DLG2: variants seen among roughly 807,000 people sequenced by gnomAD.
DLG2 encodes the protein disks large homolog 2.
A neutral mutation model predicts 132.5 loss-of-function variants in DLG2; 45 were observed. The observed-to-expected ratio is 0.34, with a 90% confidence interval of 0.27 to 0.44. DLG2 has a LOEUF of 0.44. Ranked by LOEUF, DLG2 falls within the 20% of genes least tolerant of loss-of-function variation. The pLI is 1.00. For missense variants in DLG2, 1,045 were observed against 1,196.9 expected, an observed-to-expected ratio of 0.87 and a Z score of 1.87; for synonymous variants, 424 against 419.6, an observed-to-expected ratio of 1.01 and a Z score of -0.13.
chr11:85,183,684 G>A (rs2079888432), intron 4 of DLG2, among the ~76,000 whole-genome samples: 2 of 151,922 alleles, frequency 1.3e-5, no homozygotes, highest in Admixed American at 6.6e-5. Flanking sequence ...GGCAGGCTGA[G>A]ATATCAGGGA....
At chr11:84,170,657 T>C (rs1290068212) in intron 8 of DLG2, among the ~76,000 whole-genome samples, 1 of 152,162 alleles carries the variant, frequency 6.6e-6, no homozygotes, top group Non-Finnish European at 1.5e-5. Flanking sequence ...GAGACAGCAA[T>C]ATTAACCACA....
intron 6 of DLG2, among the ~76,000 whole-genome samples, chr11:84,580,700 G>A (rs2099514319): frequency 6.6e-6 from 1 of 152,204 alleles, no homozygotes; most frequent in Admixed American, 6.5e-5. Context: ...GGAACAGCAA[G>A]CTATTTGGAC....
chr11:83,709,701 T>C (rs915561362), intron 18 of DLG2, among the ~76,000 whole-genome samples: 1 of 152,218 alleles, frequency 6.6e-6, no homozygotes, highest in African/African-American at 2.4e-5. Flanking sequence ...AGGTGAAACT[T>C]GACTCTCCAA....
At chr11:84,534,966 A>G (rs1288018119) in intron 6 of DLG2, among the ~76,000 whole-genome samples, 7 of 152,160 alleles carry the variant, frequency 4.6e-5, no homozygotes, top group Admixed American at 4.6e-4. Context: ...CTGCCTGATA[A>G]TATACTCTCT....
At position 83,587,170 on chromosome 11, in the gene DLG2, C is replaced by A. The variant is rs531674708; in HGVS notation, c.1941-45312G>T. Among the ~76,000 whole-genome samples, 137 of 152,214 alleles carry A rather than the reference C, an allele frequency of 9.0e-4. 1 individual carries two copies. The South Asian group carries it at 9.1e-3, about 10-fold the overall frequency. ...TGCTTTGGATTAAAAAAGAAAACAACACATCTGCTGCTTATAGTTTTTTTT... is the reference window on the plus strand; with the variant it reads ...TGCTTTGGATTAAAAAAGAAAACAAAACATCTGCTGCTTATAGTTTTTTTT... On this transcript the variant is annotated intron_variant, in intron 19 of 27. Transcript: ENST00000376104.
intron 8 of DLG2, among the ~76,000 whole-genome samples, chr11:84,214,042 C>A (rs1332379881): frequency 6.6e-6 from 1 of 150,916 alleles, no homozygotes; most frequent in African/African-American, 2.4e-5. Context: ...ACCCAATGGA[C>A]TATTATCCTG....
intron 7 of DLG2, among the ~76,000 whole-genome samples, chr11:84,404,007 TTC>T (rs2098839828): frequency 6.6e-6 from 1 of 152,140 alleles, no homozygotes; most frequent in Admixed American, 6.6e-5. Flanking sequence ...CTCTTATCCT[TTC>T]TTTTTTCACT....
In DLG2 at chr11:85,283,160, T is replaced by C. The variant is rs529510307; in HGVS notation, c.186+2060A>G. Among the ~76,000 whole-genome samples, 16 of 151,964 alleles carry C rather than the reference T, an allele frequency of 1.1e-4. 1 individual carries two copies. Among genetic ancestry groups the C allele is most frequent in the African/African-American group, 3.9e-4 (16 of 41,478 alleles). ...TACTTAGCACCTGGGTGATGAAATA[T>C]AATCTTACAACAAACCCCTGTGACA... On this transcript the variant is annotated intron_variant, in intron 4 of 27. Transcript: ENST00000376104.
intron 6 of DLG2, among the ~76,000 whole-genome samples, chr11:85,031,469 A>G (rs1467986021): frequency 1.3e-5 from 2 of 152,054 alleles, no homozygotes; most frequent in African/African-American, 4.8e-5. Flanking sequence ...TTACTTTTAT[A>G]TGTTTGGTTT....
intron 4 of DLG2, among the ~76,000 whole-genome samples, chr11:85,207,141 C>T (rs2081952171): frequency 6.6e-6 from 1 of 152,120 alleles, no homozygotes; most frequent in African/African-American, 2.4e-5. Context: ...CCCTATTGCT[C>T]ATCCATAATT....
At chr11:84,035,877 G>A (rs557324136) in intron 11 of DLG2, among the ~76,000 whole-genome samples, 1 of 152,258 alleles carries the variant, frequency 6.6e-6, no homozygotes, top group African/African-American at 2.4e-5. Context: ...AACTGGATGT[G>A]AGTGTGAGTC....
At chr11:84,393,296 T>C (rs575009775) in intron 7 of DLG2, among the ~76,000 whole-genome samples, 21 of 152,280 alleles carry the variant, frequency 1.4e-4, no homozygotes, top group African/African-American at 4.1e-4. Flanking sequence ...GGAAACATTC[T>C]TATTAGAAGA....
At chr11:83,845,989 G>A (rs2058541370) in intron 16 of DLG2, among the ~76,000 whole-genome samples, 2 of 152,180 alleles carry the variant, frequency 1.3e-5, no homozygotes, top group African/African-American at 4.8e-5. Context: ...TATGACCTTT[G>A]AAAGGCAAAT....
At chr11:83,910,802 G>A (rs115999464) in intron 15 of DLG2, among the ~76,000 whole-genome samples, 2,773 of 152,196 alleles carry the variant, frequency 0.018, 91 homozygotes, top group African/African-American at 0.063. Flanking sequence ...TGCCCCGACA[G>A]CTATCATTGT....
chr11:84,223,513 CAT>C (rs932411749), intron 8 of DLG2, among the ~76,000 whole-genome samples: 17 of 151,264 alleles, frequency 1.1e-4, no homozygotes, highest in Non-Finnish European at 2.2e-4. Context: ...CAGAGGCACA[CAT>C]GTCTTTCTCA....
At chr11:84,078,067 T>C (rs2096852471) in intron 10 of DLG2, among the ~76,000 whole-genome samples, 1 of 152,202 alleles carries the variant, frequency 6.6e-6, no homozygotes, top group East Asian at 1.9e-4. Flanking sequence ...ATTCAACATA[T>C]AAACCTAAAA....
chr11:83,998,978 C>A (rs1203394348), intron 11 of DLG2, among the ~76,000 whole-genome samples: 1 of 152,148 alleles, frequency 6.6e-6, no homozygotes, highest in Non-Finnish European at 1.5e-5. Flanking sequence ...GTGGCTATCA[C>A]AACAAGAATT....
intron 3 of DLG2, among the ~76,000 whole-genome samples, chr11:85,400,879 A>G (rs2088010789): frequency 6.6e-6 from 1 of 151,622 alleles, no homozygotes; most frequent in Non-Finnish European, 1.5e-5. Flanking sequence ...ACATGTATAC[A>G]TACGTAACTA....
chr11:83,886,854 T>C (rs1189898767), intron 15 of DLG2, among the ~76,000 whole-genome samples: 1 of 150,088 alleles, frequency 6.7e-6, no homozygotes, highest in Non-Finnish European at 1.5e-5. Flanking sequence ...GACTACTGGG[T>C]ACATAACGAA....
Sources: gnomAD v4.1 joint callset for allele counts (sites outside exome capture counted in the v4.1 genomes callset) on GRCh38, gnomAD v4.1.1 for gene constraint, MANE v1.5 for transcripts, NCBI Gene and HGNC (gene_info 2026-07-23, HGNC 2026-07-21) for gene names.